RPS6KC1: variants seen among roughly 807,000 people sequenced by gnomAD.
RPS6KC1 encodes inactive ribosomal protein S6 kinase delta-1.
Under a neutral mutation model 103.8 loss-of-function variants are expected in RPS6KC1, and 54 were observed. The observed-to-expected ratio is 0.52, with a 90% CI of 0.42 to 0.65. RPS6KC1 has a LOEUF of 0.65. Among genes scored for constraint, RPS6KC1 ranks in the 30% least tolerant of loss-of-function variants. The pLI is 0.00. For missense variants in RPS6KC1, 1,151 were observed against 1,253.8 expected (o/e 0.92, Z 1.24); for synonymous variants, 439 against 438.7 (o/e 1.00, Z -0.01).
chr1:213,297,945 CA>C, the RPS6KC1 span, among the ~76,000 whole-genome samples: 1 of 152,166 alleles, frequency 6.6e-6, no homozygotes, highest in African/African-American at 2.4e-5. Context: ...GTTAATTTCC[CA>C]TTCTTCTTCA....
chr1:213,632,700 A>G, the RPS6KC1 span, among the ~76,000 whole-genome samples: 2 of 152,262 alleles, frequency 1.3e-5, no homozygotes, highest in Admixed American at 6.5e-5. Flanking sequence ...AATGACTTTG[A>G]TAAGTCGACA....
the RPS6KC1 span, among the ~76,000 whole-genome samples, chr1:213,530,032 T>TTTATTATTA: frequency 0.03 from 4,534 of 149,086 alleles, 132 homozygotes; most frequent in African/African-American, 0.076. Context: ...CTTCACTTCT[T>TTTATTATTA]TTATTATTAT....
At chr1:213,266,430 GA>G (rs1033683239) in intron 14 of RPS6KC1, among the ~76,000 whole-genome samples, 2 of 151,908 alleles carry the variant, frequency 1.3e-5, no homozygotes, top group South Asian at 2.1e-4. Flanking sequence ...ACTTTCTGTG[GA>G]AAAAAAATAT....
the RPS6KC1 span, among the ~76,000 whole-genome samples, chr1:213,643,408 G>A: frequency 6.6e-6 from 1 of 151,554 alleles, no homozygotes; most frequent in East Asian, 1.9e-4. Flanking sequence ...TTGATATTTT[G>A]AAGGGTATTA....
the RPS6KC1 span, among the ~76,000 whole-genome samples, chr1:213,561,827 A>T: frequency 6.6e-6 from 1 of 152,254 alleles, no homozygotes; most frequent in Non-Finnish European, 1.5e-5. Context: ...GTTCTTTGAA[A>T]TGGCAGAAGG....
At chr1:213,602,118 T>TC in the RPS6KC1 span, among the ~76,000 whole-genome samples, 1 of 8,890 alleles carries the variant, frequency 1.1e-4, no homozygotes, top group South Asian at 4.9e-3. Flanking sequence ...CTTTCTTTCT[T>TC]TCTCTTTCTT....
At chr1:213,860,026 T>G in the RPS6KC1 span, among the ~76,000 whole-genome samples, 1 of 151,434 alleles carries the variant, frequency 6.6e-6, no homozygotes, top group Non-Finnish European at 1.5e-5. Flanking sequence ...CAGGAAAAAA[T>G]GGATATTTCT....
At chr1:213,108,532 T>C (rs2082703731) in intron 4 of RPS6KC1, among the ~76,000 whole-genome samples, 1 of 152,164 alleles carries the variant, frequency 6.6e-6, no homozygotes, top group African/African-American at 2.4e-5. Flanking sequence ...CTACTTTACT[T>C]TTTCAAAATT....
the RPS6KC1 span, among the ~76,000 whole-genome samples, chr1:213,523,339 A>G: frequency 6.6e-6 from 1 of 152,260 alleles, no homozygotes; most frequent in Non-Finnish European, 1.5e-5. Context: ...TAATAATGAA[A>G]AAAGTTTAAA....
intron 3 of RPS6KC1, 63 bp downstream of exon 3, chr1:213,077,879 C>G: frequency 3.5e-6 from 3 of 867,930 alleles, no homozygotes; most frequent in Non-Finnish European, 5.0e-6. Flanking sequence ...ATACTGAACT[C>G]TAACATAACT....
At chr1:213,732,476 G>A in the RPS6KC1 span, among the ~76,000 whole-genome samples, 1 of 152,148 alleles carries the variant, frequency 6.6e-6, no homozygotes, top group African/African-American at 2.4e-5. Flanking sequence ...ACTCCTTCAA[G>A]GCAGGCAATA....
chr1:213,753,791 C>G, the RPS6KC1 span, among the ~76,000 whole-genome samples: 1 of 152,220 alleles, frequency 6.6e-6, no homozygotes, highest in African/African-American at 2.4e-5. Context: ...TTATCCAACA[C>G]TAAGCATTCG....
chr1:213,506,690 T>G, the RPS6KC1 span, among the ~76,000 whole-genome samples: 4 of 152,198 alleles, frequency 2.6e-5, no homozygotes, highest in Non-Finnish European at 5.9e-5. Context: ...GATCTGAATA[T>G]CAATGTATCA....
At chr1:213,579,382 G>T in the RPS6KC1 span, among the ~76,000 whole-genome samples, 9 of 152,210 alleles carry the variant, frequency 5.9e-5, no homozygotes, top group African/African-American at 2.2e-4. Context: ...AAAGTTAGAA[G>T]CTAGCAGAGG....
At chr1:213,150,630 G>A (rs2147889288) in intron 6 of RPS6KC1, among the ~76,000 whole-genome samples, 1 of 151,838 alleles carries the variant, frequency 6.6e-6, no homozygotes, top group East Asian at 1.9e-4. Context: ...AGGGTTGGAG[G>A]TAAGGTCACA....
At chr1:213,382,533 CTT>C in the RPS6KC1 span, among the ~76,000 whole-genome samples, 65,949 of 133,896 alleles carry the variant, frequency 0.49, 17,162 homozygotes, top group East Asian at 0.69. Context: ...TTCACTCCAT[CTT>C]TTTTTTTTTT....
chr1:213,653,015 C>A, the RPS6KC1 span, among the ~76,000 whole-genome samples: 1 of 152,178 alleles, frequency 6.6e-6, no homozygotes, highest in Non-Finnish European at 1.5e-5. Flanking sequence ...AGCACTTTGA[C>A]AGTAAAAATG....
chr1:213,667,337 T>C, the RPS6KC1 span, among the ~76,000 whole-genome samples: 2 of 152,234 alleles, frequency 1.3e-5, no homozygotes, highest in African/African-American at 4.8e-5. Flanking sequence ...ACTATCATAA[T>C]AAAGTGAAGC....
intron 3 of RPS6KC1, among the ~76,000 whole-genome samples, chr1:213,099,021 CA>C (rs2081761463): frequency 1.3e-5 from 2 of 152,132 alleles, no homozygotes; most frequent in Admixed American, 1.3e-4. Flanking sequence ...AAGGGAAATT[CA>C]AAGCTGTAGT....
Sources: gnomAD v4.1 joint callset for allele counts (sites outside exome capture counted in the v4.1 genomes callset) on GRCh38, gnomAD v4.1.1 for gene constraint, MANE v1.5 for transcripts, NCBI Gene and HGNC (gene_info 2026-07-23, HGNC 2026-07-21) for gene names.